SDK1: variants seen among roughly 807,000 people sequenced by gnomAD.
SDK1 encodes sidekick cell adhesion molecule 1, also known as protein sidekick-1.
In SDK1, 157 loss-of-function variants were observed where a neutral mutation model predicts 245.5. That is an observed-to-expected ratio of 0.64 (90% CI 0.56 to 0.73). The LOEUF (loss-of-function observed/expected upper bound fraction) is 0.73. SDK1 is among the 30% of genes least tolerant of loss of function. The pLI is 0.00. For synonymous variants in SDK1, 1,647 were observed against 1,278.5 expected, an observed-to-expected ratio of 1.29 and a Z score of -6.15; for missense variants, 3,583 against 3,002.3, an observed-to-expected ratio of 1.19 and a Z score of -4.52.
chr7:3,795,960 C>G (rs1380792661), intron 4 of SDK1, among the ~76,000 whole-genome samples: 1 of 152,170 alleles, frequency 6.6e-6, no homozygotes, highest in Admixed American at 6.5e-5. Context: ...ACACAGACAT[C>G]ATGAGAGTGC....
At chr7:4,067,369 G>A (rs1385961491) in intron 19 of SDK1, among the ~76,000 whole-genome samples, 1 of 152,202 alleles carries the variant, frequency 6.6e-6, no homozygotes, top group Non-Finnish European at 1.5e-5. Context: ...TGGGTTTGGA[G>A]CCTGGAGTTC....
At chr7:4,004,968 G>A (rs186723581) in intron 14 of SDK1, among the ~76,000 whole-genome samples, 35 of 146,612 alleles carry the variant, frequency 2.4e-4, no homozygotes, top group African/African-American at 6.7e-4. Flanking sequence ...GTCCATGACA[G>A]TTGTCCTATA....
In SDK1 at chr7:3,954,923, C is replaced by G. The variant is rs572669785; in HGVS notation, c.1150+3003C>G. On this transcript the variant is annotated intron_variant, in intron 7 of 44. Transcript: ENST00000404826. ...GACACACATTTTTCATGTTTAGTGT[C>G]TCTGGAATCAGGATGTGCCTCACCA... 2.5e-4 allele frequency among the ~76,000 whole-genome samples: 38 copies of G among 152,170 alleles called. 1 individual carries two copies. The highest frequency in any genetic ancestry group is 8.9e-4 in the African/African-American group (37 of 41,516).
intron 7 of SDK1, among the ~76,000 whole-genome samples, chr7:3,957,617 TG>T (rs1781378830): frequency 6.6e-6 from 1 of 152,216 alleles, no homozygotes; most frequent in South Asian, 2.1e-4. Flanking sequence ...GCTTCCCTGA[TG>T]AATACAGGTC....
chr7:3,740,800 C>A (rs1033200392), intron 4 of SDK1, among the ~76,000 whole-genome samples: 2 of 152,118 alleles, frequency 1.3e-5, no homozygotes, highest in African/African-American at 4.8e-5. Context: ...TTTAGAGTTC[C>A]AAAAATGTTG....
At chr7:3,859,638 A>C (rs1780638735) in intron 5 of SDK1, among the ~76,000 whole-genome samples, 1 of 152,112 alleles carries the variant, frequency 6.6e-6, no homozygotes, top group African/African-American at 2.4e-5. Context: ...TCACCCCATA[A>C]AAATTCCTTC....
intron 1 of SDK1, among the ~76,000 whole-genome samples, chr7:3,418,138 TAAAAATGAA>T (rs1262060507): frequency 4.7e-5 from 2 of 42,814 alleles, no homozygotes; most frequent in African/African-American, 2.1e-4. Flanking sequence ...CGATCTCTAC[TAAAAATGAA>T]AAAAAAAAAA....
In SDK1 at chr7:4,145,955, T is replaced by G. The variant is rs369860299; in HGVS notation, c.4423+39T>G. The G allele has an allele frequency of 4.5e-3, 7,015 of 1,545,760 alleles. 364 individuals carry two copies. In the South Asian group the frequency reaches 0.08, roughly 18 times the overall value. ...GGACCCGGGGGTACTGCAGATGTTG[T>G]GGGCACAGCTTCCTCAATCAGGCCC... On this transcript the variant is annotated intron_variant, in intron 29 of 44. Coordinates refer to ENST00000404826, the MANE Select transcript of SDK1 (RefSeq NM_152744.4).
intron 28 of SDK1, among the ~76,000 whole-genome samples, chr7:4,137,396 C>T (rs1385634940): frequency 6.6e-6 from 1 of 152,224 alleles, no homozygotes; most frequent in Non-Finnish European, 1.5e-5. Context: ...AGCTGAGATG[C>T]CTACAAGGCT....
At chr7:3,636,770 A>T (rs1252902727) in intron 2 of SDK1, among the ~76,000 whole-genome samples, 5 of 152,132 alleles carry the variant, frequency 3.3e-5, no homozygotes, top group African/African-American at 1.2e-4. Flanking sequence ...TGTAAGAAAC[A>T]ATTTTTCCAT....
chr7:3,412,025 G>T (rs1037611375), intron 1 of SDK1, among the ~76,000 whole-genome samples: 2 of 152,176 alleles, frequency 1.3e-5, no homozygotes, highest in Admixed American at 1.3e-4. Context: ...AATTTCATTA[G>T]AAGAAAGGGA....
At chr7:3,762,158 C>G (rs1055773267) in intron 4 of SDK1, among the ~76,000 whole-genome samples, 2 of 152,164 alleles carry the variant, frequency 1.3e-5, no homozygotes, top group Non-Finnish European at 2.9e-5. Flanking sequence ...CTATTGAAAT[C>G]TAAATACTCC....
intron 5 of SDK1, among the ~76,000 whole-genome samples, chr7:3,824,613 T>G (rs1779726804): frequency 6.6e-6 from 1 of 152,126 alleles, no homozygotes; most frequent in African/African-American, 2.4e-5. Flanking sequence ...TCAAAACATC[T>G]AAATAAGTGA....
At chr7:4,081,784 GC>G (rs1010874145) in intron 22 of SDK1, among the ~76,000 whole-genome samples, 2 of 152,078 alleles carry the variant, frequency 1.3e-5, no homozygotes, top group Non-Finnish European at 2.9e-5. Flanking sequence ...AATAGAGTAA[GC>G]CCTCTTATAC....
rs570268209 is a variant in SDK1 at position 3,379,426 on chromosome 7, C to G, written c.298+77542C>G. On this transcript the variant is annotated intron_variant, in intron 1 of 44. Coordinates refer to ENST00000404826, the MANE Select transcript of SDK1 (RefSeq NM_152744.4). ...ACGTGTGACAATTGACCTGAGATTCCAAGGAAGAAAAGGAGTGACTCAGTG... is the reference window on the plus strand; with the variant it reads ...ACGTGTGACAATTGACCTGAGATTCGAAGGAAGAAAAGGAGTGACTCAGTG... 4.1e-3 allele frequency among the ~76,000 whole-genome samples: 621 copies of G among 152,120 alleles called. 7 individuals carry two copies. The highest frequency in any genetic ancestry group is 0.014 in the African/African-American group (573 of 41,492).
At chr7:4,124,971 T>C (rs1784287126) in intron 25 of SDK1, among the ~76,000 whole-genome samples, 1 of 131,426 alleles carries the variant, frequency 7.6e-6, no homozygotes, top group African/African-American at 3.0e-5. Flanking sequence ...GGGTGGATGA[T>C]TGGATGTATG....
intron 14 of SDK1, among the ~76,000 whole-genome samples, chr7:3,989,743 C>T (rs989571764): frequency 6.6e-6 from 1 of 152,164 alleles, no homozygotes; most frequent in African/African-American, 2.4e-5. Context: ...CCTGTACACG[C>T]CCCCAGCAAT....
At chr7:4,240,896 T>C (rs2128237987) in intron 42 of SDK1, among the ~76,000 whole-genome samples, 1 of 152,066 alleles carries the variant, frequency 6.6e-6, no homozygotes, top group Non-Finnish European at 1.5e-5. Context: ...AAACCCGTGT[T>C]AGGGAGGGGC....
intron 4 of SDK1, among the ~76,000 whole-genome samples, chr7:3,757,836 G>C (rs757994240): frequency 5.3e-5 from 8 of 152,156 alleles, no homozygotes; most frequent in Non-Finnish European, 1.0e-4. Context: ...GGAGACTGGG[G>C]AGTGGGGCTG....
Sources: gnomAD v4.1 joint callset for allele counts (sites outside exome capture counted in the v4.1 genomes callset) on GRCh38, gnomAD v4.1.1 for gene constraint, MANE v1.5 for transcripts, NCBI Gene and HGNC (gene_info 2026-07-23, HGNC 2026-07-21) for gene names.